Variants in ELP2 observed in about 807,000 individuals in gnomAD.
ELP2 encodes the protein elongator complex protein 2.
Under a neutral mutation model 119.2 loss-of-function variants are expected in ELP2, and 90 were observed. The observed-to-expected ratio is 0.75, with a 90% CI of 0.64 to 0.90. ELP2 has a LOEUF of 0.90. ELP2 is among the 40% of genes least tolerant of loss of function. The pLI is 0.00. For synonymous variants in ELP2, 339 were observed against 331.0 expected (o/e 1.02, Z -0.26); for missense variants, 921 against 967.8 (o/e 0.95, Z 0.64).
intron 2 of ELP2, among the ~76,000 whole-genome samples, chr18:36,135,332 G>T (rs991221139): frequency 7.2e-5 from 11 of 152,006 alleles, no homozygotes; most frequent in African/African-American, 2.7e-4. Context: ...ATATCATTTT[G>T]TATTTTTAAT....
At chr18:36,151,139 C>T (rs2144688465) in intron 11 of ELP2, among the ~76,000 whole-genome samples, 1 of 148,322 alleles carries the variant, frequency 6.7e-6, no homozygotes, top group East Asian at 2.0e-4. Context: ...GGCTGGGGTA[C>T]AGTTGTGCAG....
At chr18:36,153,922 A>G (rs1568002433) in intron 11 of ELP2, among the ~76,000 whole-genome samples, 3 of 152,038 alleles carry the variant, frequency 2.0e-5, no homozygotes, top group Non-Finnish European at 4.4e-5. Context: ...TTAAAAGCCA[A>G]ACACTGCCCT....
intron 6 of ELP2, 53 bp downstream of exon 6, chr18:36,141,254 C>T: frequency 7.5e-7 from 1 of 1,335,366 alleles, no homozygotes; most frequent in Admixed American, 1.7e-5. Flanking sequence ...AGTTATATCT[C>T]AATACAGACT....
intron 3 of ELP2, among the ~76,000 whole-genome samples, chr18:36,137,781 C>A (rs1434828033): frequency 9.1e-6 from 1 of 110,102 alleles, no homozygotes. Flanking sequence ...TATTCAATCC[C>A]AAAGTATACT....
At chr18:36,130,145 T>C in intron 1 of ELP2, 74 bp downstream of exon 1, 2 of 1,599,174 alleles carry the variant, frequency 1.3e-6, no homozygotes, top group South Asian at 1.1e-5. Context: ...GGGCGCGCTG[T>C]TAGTTGCCGC....
At chr18:36,135,127 T>C (rs1007822107) in intron 2 of ELP2, among the ~76,000 whole-genome samples, 8 of 152,184 alleles carry the variant, frequency 5.3e-5, no homozygotes, top group African/African-American at 1.9e-4. Context: ...AGACTGACTT[T>C]CAGTATAGGA....
intron 13 of ELP2, chr18:36,158,555 G>A (rs1359791151): frequency 6.0e-6 from 2 of 332,018 alleles, no homozygotes; most frequent in South Asian, 3.4e-5. Context: ...GGTTCGATGA[G>A]GTCCCTTTAT....
rs35637316 is a variant in ELP2, at chr18:36,174,855, C to CT, written c.*214_*215insT. On this transcript the variant is annotated 3_prime_UTR_variant, in exon 22 of 22. Transcript: ENST00000358232. ...GGGACTAGAGGCACACCACCAATTC[C>CT]GGCTAATTTTTGTATTTTTAGTAGA... 6.8e-5 allele frequency: 33 copies of CT among 486,126 alleles called. No individual in the cohort carries two copies. The highest frequency in any genetic ancestry group is 1.8e-4 in the African/African-American group (9 of 51,134). The allele number at this position is 486,126 out of a possible 1,614,324, so 30.1% of individuals were successfully genotyped here.
rs1230956015 is a variant in ELP2, at chr18:36,175,575, A to G, written c.*934A>G. The stretch of plus-strand genomic sequence containing the variant: ...AAAAATAGAGTTCTGAAACATTTGA[A>G]TTTATGTGACAGCTGAAGTCACGAG... On this transcript the variant is annotated 3_prime_UTR_variant, in exon 22 of 22. Coordinates refer to ENST00000358232, the MANE Select transcript of ELP2 (RefSeq NM_018255.4). The G allele has an allele frequency of 6.6e-6, 1 of 152,232 alleles. No homozygotes were observed. Among genetic ancestry groups the G allele is most frequent in the Non-Finnish European group, 1.5e-5 (1 of 68,048 alleles). 9.4% of individuals were successfully genotyped at this position (152,232 alleles called of 1,614,324 possible). A position where few individuals can be genotyped will look rare whatever the true frequency, so the allele number is the denominator to read the frequency against.
At chr18:36,146,199 G>T in intron 10 of ELP2, 51 bp from the exon 11 acceptor site, 1 of 1,611,610 alleles carries the variant, frequency 6.2e-7, no homozygotes, top group South Asian at 1.1e-5. Flanking sequence ...TTTCTGTTGT[G>T]AGAAACATAG....
At chr18:36,149,332 G>A (rs1367478253) in intron 11 of ELP2, among the ~76,000 whole-genome samples, 1 of 152,128 alleles carries the variant, frequency 6.6e-6, no homozygotes, top group African/African-American at 2.4e-5. Flanking sequence ...GAACTAGTGA[G>A]CTATTTTTAC....
chr18:36,142,641 A>G (rs1481321660), intron 7 of ELP2, among the ~76,000 whole-genome samples, 185 bp from the exon 8 acceptor site: 1 of 152,258 alleles, frequency 6.6e-6, no homozygotes, highest in African/African-American at 2.4e-5. Context: ...ATGTATTAGC[A>G]TTGTATGCAT....
At chr18:36,130,160 G>T in intron 1 of ELP2, 89 bp downstream of exon 1, 1 of 1,561,628 alleles carries the variant, frequency 6.4e-7, no homozygotes, top group African/African-American at 1.4e-5. Context: ...TGCCGCCCCA[G>T]ACCTAGGAGG....
chr18:36,130,207 C>T (rs1785900), intron 1 of ELP2, 136 bp downstream of exon 1: 410,273 of 1,157,496 alleles, frequency 0.35, 75,118 homozygotes, highest in African/African-American at 0.4. Flanking sequence ...GGTTTGGGCT[C>T]GGAGTCTCCA....
At chr18:36,151,191 C>A (rs975129303) in intron 11 of ELP2, among the ~76,000 whole-genome samples, 2 of 151,584 alleles carry the variant, frequency 1.3e-5, no homozygotes, top group African/African-American at 2.4e-5. Context: ...CTCAATCGAT[C>A]CTCCCACCTC....
At chr18:36,170,311 CT>C (rs373174527) in intron 20 of ELP2, 115 bp downstream of exon 20, 151,808 of 905,550 alleles carry the variant, frequency 0.17, 4 homozygotes, top group South Asian at 0.23. Context: ...TCTTTTTTTT[CT>C]TTTTTTTTTT....
chr18:36,162,202 C>G (rs1201952035), intron 17 of ELP2, among the ~76,000 whole-genome samples: 1 of 152,150 alleles, frequency 6.6e-6, no homozygotes, highest in Non-Finnish European at 1.5e-5. Flanking sequence ...GGCAATTCCT[C>G]TTTTCTACCT....
At chr18:36,162,043 A>G (rs1341390371) in intron 17 of ELP2, among the ~76,000 whole-genome samples, 1 of 150,970 alleles carries the variant, frequency 6.6e-6, no homozygotes, top group African/African-American at 2.4e-5. Context: ...ATTTTTTAAC[A>G]GCTTTATTTA....
At position 36,138,438 on chromosome 18, in the gene ELP2, G is replaced by C. The variant is rs1186447862; in HGVS notation, c.445+12G>C. 1 of 1,613,548 alleles carries C rather than the reference G, an allele frequency of 6.2e-7. No individual in the cohort carries two copies. The highest frequency in any genetic ancestry group is 8.5e-7 in the Non-Finnish European group (1 of 1,179,608). Reference sequence around the variant, plus strand: ...AAAGGGTCCAGAAGGTAGGTTTGGAGACATGATAATCCAGACAAATGAAAT... The same window carrying C: ...AAAGGGTCCAGAAGGTAGGTTTGGACACATGATAATCCAGACAAATGAAAT... On this transcript the variant is annotated intron_variant, in intron 4 of 21. Coordinates refer to ENST00000358232, the MANE Select transcript of ELP2 (RefSeq NM_018255.4).
Sources: gnomAD v4.1 joint callset for allele counts (sites outside exome capture counted in the v4.1 genomes callset) on GRCh38, gnomAD v4.1.1 for gene constraint, MANE v1.5 for transcripts, NCBI Gene and HGNC (gene_info 2026-07-23, HGNC 2026-07-21) for gene names.